AKAP11: variants seen among roughly 807,000 people sequenced by gnomAD.
AKAP11 encodes the protein A-kinase anchor protein 11.
Under a neutral mutation model 146.1 loss-of-function variants are expected in AKAP11, and 36 were observed. The ratio of observed to expected loss-of-function variants is 0.25; its 90% confidence interval spans 0.19 to 0.33. The LOEUF (loss-of-function observed/expected upper bound fraction) is 0.33. AKAP11 is among the 10% of genes least tolerant of loss of function. The pLI is 1.00. For missense variants in AKAP11, 2,201 were observed against 2,197.0 expected (o/e 1.00, Z -0.04); for synonymous variants, 780 against 786.5 (o/e 0.99, Z 0.14).
chr13:42,299,168 T>C (rs954221974), intron 7 of AKAP11, among the ~76,000 whole-genome samples, 195 bp from the exon 8 acceptor site: 3 of 152,168 alleles, frequency 2.0e-5, no homozygotes, highest in Admixed American at 2.0e-4. Flanking sequence ...TCCCTAGACA[T>C]AGAGTAAACT....
In AKAP11 at chr13:42,299,577, C is replaced by T; in HGVS notation, c.831C>T (p.Thr277=). The T allele has an allele frequency of 6.2e-7, 1 of 1,613,876 alleles. No individual in the cohort carries two copies. ...SVTTSISEPW[T]QRSFYRSSNA... The stretch of plus-strand genomic sequence containing the variant: ...CAACATCAATTTCAGAGCCTTGGAC[C>T]CAAAGGAGTTTCTATAGGTCATCTA... Residue 277 remains threonine (T), a synonymous_variant, in exon 8 of 13, where the codon ACC becomes ACT. Coordinates refer to ENST00000025301, the MANE Select transcript of AKAP11 (RefSeq NM_016248.4).
rs17521586 is a variant in AKAP11 at position 42,308,484 on chromosome 13, C to T, written c.5148C>T (p.Thr1716=). 231,029 of 1,600,088 alleles carry T rather than the reference C, an allele frequency of 0.14. 17,417 individuals carry two copies. The highest frequency in any genetic ancestry group is 0.17 in the South Asian group (15,387 of 88,648). Residue 1716 remains threonine (T), a synonymous_variant, in exon 9 of 13, where the codon ACC becomes ACT. Coordinates refer to ENST00000025301, the MANE Select transcript of AKAP11 (RefSeq NM_016248.4). ...AAGAAATAGAAGACTTTCAGTCAAC[C>T]GAGTCTGTCAGTAGCCAGCAGATGA... The part of the protein sequence containing the change: ...SSKEIEDFQS[T]ESVSSQQMNL...
chr13:42,308,472 C>A lies in AKAP11; in HGVS notation c.5136C>A (p.Asp1712Glu), dbSNP rs1338673721. ...TTTTTAGTTCAAAAGAAATAGAAGA[C>A]TTTCAGTCAACCGAGTCTGTCAGTA... is the stretch of plus-strand genomic sequence containing the variant. ...HAVSSSKEIEDFQSTESVSSQ... is the reference protein window; with the variant it reads ...HAVSSSKEIEEFQSTESVSSQ... Residue 1712 changes from aspartate to glutamate, a missense_variant, in exon 9 of 13, where the codon GAC becomes GAA. Transcript: ENST00000025301. The A allele has an allele frequency of 6.3e-7, 1 of 1,593,030 alleles. No individual in the cohort carries two copies. Among genetic ancestry groups the A allele is most frequent in the South Asian group, 1.1e-5 (1 of 87,026 alleles).
chr13:42,314,764 G>A (rs1242551087), intron 11 of AKAP11, among the ~76,000 whole-genome samples: 1 of 151,640 alleles, frequency 6.6e-6, no homozygotes, highest in East Asian at 1.9e-4. Context: ...CTTCACTCAC[G>A]CATACACATA....
chr13:42,277,165 T>A (rs1566252405), intron 1 of AKAP11, among the ~76,000 whole-genome samples: 1 of 152,240 alleles, frequency 6.6e-6, no homozygotes, highest in South Asian at 2.1e-4. Context: ...AATCAGTTGT[T>A]GAAAATATTT....
intron 1 of AKAP11, among the ~76,000 whole-genome samples, chr13:42,272,760 G>C (rs1179967780): frequency 1.3e-5 from 2 of 152,172 alleles, no homozygotes; most frequent in African/African-American, 4.8e-5. Context: ...GGGCTCCTCA[G>C]AGTATTGATA....
intron 4 of AKAP11, among the ~76,000 whole-genome samples, chr13:42,294,120 T>C (rs1269333232): frequency 6.6e-6 from 1 of 152,316 alleles, no homozygotes; most frequent in East Asian, 1.9e-4. Context: ...CAGAGTAATA[T>C]AAGATTCTGA....
intron 4 of AKAP11, among the ~76,000 whole-genome samples, chr13:42,293,851 A>G (rs1422706381): frequency 3.3e-5 from 5 of 152,208 alleles, no homozygotes; most frequent in African/African-American, 1.2e-4. Flanking sequence ...AGGGTGTGCA[A>G]ATCTCTGAGT....
At position 42,302,525 on chromosome 13, in the gene AKAP11, C is replaced by T. The variant is rs775366259; in HGVS notation, c.3779C>T (p.Ala1260Val). The change falls in exon 8 of 13, where the codon GCG (alanine) becomes GTG (valine). Residue 1260 changes from alanine (A) to valine (V), a missense_variant. Transcript: ENST00000025301. ...AATTTGAAAACATTATGCAATTTTG[C>T]GGGTGATCTGGCAGCAGAAGTCATT... ...DENLKTLCNF[A>V]GDLAAEVITE... 6.2e-6 allele frequency: 10 copies of T among 1,613,870 alleles called. No homozygotes were observed. The highest frequency in any genetic ancestry group is 5.0e-5 in the Admixed American group (3 of 59,986).
At chr13:42,284,029 G>T (rs542811125) in intron 1 of AKAP11, among the ~76,000 whole-genome samples, 27 of 152,322 alleles carry the variant, frequency 1.8e-4, no homozygotes, top group Non-Finnish European at 3.2e-4. Flanking sequence ...GCTGGAGTTA[G>T]AAAATTTGGA....
intron 1 of AKAP11, among the ~76,000 whole-genome samples, chr13:42,282,228 C>G (rs150858435): frequency 7.0e-4 from 106 of 150,954 alleles, no homozygotes; most frequent in Middle Eastern, 6.9e-3. Context: ...CTTGGCCTCC[C>G]AAAGTGCTGG....
rs1594368046 is a variant in AKAP11 at position 42,319,950 on chromosome 13, T to TGTGTGTGTGTGTGTG, written c.*722_*723insGTGTGTGTGTGTGTG. The stretch of plus-strand genomic sequence containing the variant: ...GTGTGTGTGTGTGTGTGTGTGTGTG[T>TGTGTGTGTGTGTGTG]AAGGGAGTACTTTAACCTTGCCAGT... On this transcript the variant is annotated 3_prime_UTR_variant, in exon 13 of 13. Coordinates refer to ENST00000025301, the MANE Select transcript of AKAP11 (RefSeq NM_016248.4). The TGTGTGTGTGTGTGTG allele has an allele frequency of 7.0e-6, 1 of 143,394 alleles. No individual in the cohort carries two copies. The highest frequency in any genetic ancestry group is 2.7e-5 in the African/African-American group (1 of 37,298). The allele number at this position is 143,394 out of a possible 1,614,324, so 8.9% of individuals were successfully genotyped here.
rs1407253286 is a variant in AKAP11, at chr13:42,298,778, T to C, written c.597T>C (p.Thr199=). The change falls in exon 7 of 13, where the codon ACT becomes ACC. Residue 199 remains threonine (T), a synonymous_variant. Coordinates refer to ENST00000025301, the MANE Select transcript of AKAP11 (RefSeq NM_016248.4). ...TTGAGCACTTAGAAGAGGAAGAGAC[T>C]TCAAAGCCATACAATGATGGTTTGT... ...TAFEHLEEEE[T]SKPYNDGMNI... is the part of the protein sequence containing the mutation. 6.3e-7 allele frequency: 1 copy of C among 1,579,076 alleles called. No individual in the cohort carries two copies. The highest frequency in any genetic ancestry group is 8.5e-7 in the Non-Finnish European group (1 of 1,170,038).
chr13:42,297,691 T>A (rs1409277960), intron 6 of AKAP11, among the ~76,000 whole-genome samples: 2 of 152,020 alleles, frequency 1.3e-5, no homozygotes, highest in Non-Finnish European at 2.9e-5. Flanking sequence ...TTTAGTTCTT[T>A]ACCAAGTATG....
intron 8 of AKAP11, 68 bp downstream of exon 8, chr13:42,303,931 A>T: frequency 6.8e-7 from 1 of 1,478,612 alleles, no homozygotes. Context: ...TATATGTCTT[A>T]GGTCCTGTTC....
At chr13:42,292,358 A>C in intron 3 of AKAP11, 27 bp from the exon 4 acceptor site, 1 of 1,375,944 alleles carries the variant, frequency 7.3e-7, no homozygotes, top group Non-Finnish European at 1.0e-6. Flanking sequence ...ATAAATTTGA[A>C]ATATCTTTGC....
intron 1 of AKAP11, among the ~76,000 whole-genome samples, chr13:42,283,899 G>T (rs1445759813): frequency 6.6e-6 from 1 of 152,162 alleles, no homozygotes; most frequent in African/African-American, 2.4e-5. Context: ...ATGAACCTAA[G>T]ATCATTTAAT....
chr13:42,316,033 C>T (rs933970425), intron 11 of AKAP11, among the ~76,000 whole-genome samples: 1 of 152,094 alleles, frequency 6.6e-6, no homozygotes, highest in Admixed American at 6.6e-5. Flanking sequence ...TAGCTTCTAG[C>T]CCCCTGAACT....
chr13:42,295,440 T>C (rs370937492), intron 4 of AKAP11, among the ~76,000 whole-genome samples: 2 of 152,196 alleles, frequency 1.3e-5, no homozygotes, highest in Admixed American at 1.3e-4. Context: ...TGGAGAGAAG[T>C]GGATATATTT....
Sources: gnomAD v4.1 joint callset for allele counts (sites outside exome capture counted in the v4.1 genomes callset) on GRCh38, gnomAD v4.1.1 for gene constraint, MANE v1.5 for transcripts, NCBI Gene and HGNC (gene_info 2026-07-23, HGNC 2026-07-21) for gene names.